The following PPARGC1A variants were observed in gnomAD, a reference collection of about 807,000 sequenced individuals.
PPARGC1A encodes the protein PPARG coactivator 1 alpha.
PPARGC1A carries 25 observed loss-of-function variants against 88.7 expected under a neutral mutation model. The ratio of observed to expected loss-of-function variants is 0.28; its 90% confidence interval spans 0.21 to 0.39. PPARGC1A has a LOEUF of 0.39. Among genes scored for constraint, PPARGC1A ranks in the 10% least tolerant of loss-of-function variants. PPARGC1A has a pLI of 1.00. For synonymous variants in PPARGC1A, 363 were observed against 355.6 expected (o/e 1.02, Z -0.24); for missense variants, 880 against 968.7 (o/e 0.91, Z 1.22).
chr4:24,392,781 C>A, the PPARGC1A span, among the ~76,000 whole-genome samples: 2 of 152,176 alleles, frequency 1.3e-5, no homozygotes, highest in Non-Finnish European at 1.5e-5. Context: ...ATTCTGCACA[C>A]TTTCCCGTTG....
chr4:24,437,415 G>T, the PPARGC1A span, among the ~76,000 whole-genome samples: 1 of 148,534 alleles, frequency 6.7e-6, no homozygotes, highest in Non-Finnish European at 1.5e-5. Flanking sequence ...CTGAGGGAAC[G>T]GGGGGTCCTA....
At chr4:24,404,408 CT>C in the PPARGC1A span, among the ~76,000 whole-genome samples, 2 of 151,974 alleles carry the variant, frequency 1.3e-5, no homozygotes, top group East Asian at 3.9e-4. Flanking sequence ...CGTACAGTGG[CT>C]AATAAAGTAA....
At chr4:24,036,411 A>G in the PPARGC1A span, among the ~76,000 whole-genome samples, 1 of 152,200 alleles carries the variant, frequency 6.6e-6, no homozygotes, top group South Asian at 2.1e-4. Context: ...AGAGAACTGA[A>G]TATGTACATC....
At chr4:23,900,248 A>C (rs1461756945), upstream of PPARGC1A, among the ~76,000 whole-genome samples, 3 of 152,132 alleles carry the variant, frequency 2.0e-5, no homozygotes, top group African/African-American at 7.2e-5. Context: ...GAATATTACA[A>C]CTCTAAAATT....
chr4:24,238,890 C>T, the PPARGC1A span, among the ~76,000 whole-genome samples: 4 of 151,384 alleles, frequency 2.6e-5, no homozygotes, highest in African/African-American at 9.7e-5. Context: ...ATCTGATTAC[C>T]GATTCCCTAT....
intron 7 of PPARGC1A, among the ~76,000 whole-genome samples, chr4:23,818,766 T>TTTAA (rs1722431182): frequency 6.6e-6 from 1 of 151,894 alleles, no homozygotes; most frequent in African/African-American, 2.4e-5. Context: ...GGTTTGTTTG[T>TTTAA]TTAATTGAAT....
chr4:23,960,342 TCTA>T, the PPARGC1A span, among the ~76,000 whole-genome samples: 1 of 152,038 alleles, frequency 6.6e-6, no homozygotes, highest in African/African-American at 2.4e-5. Flanking sequence ...TGCTGAACAT[TCTA>T]CATCACACAG....
chr4:24,463,659 T>C, the PPARGC1A span, among the ~76,000 whole-genome samples: 1 of 152,230 alleles, frequency 6.6e-6, no homozygotes, highest in Non-Finnish European at 1.5e-5. Context: ...GATGAGGATC[T>C]AGAATTGAAG....
the PPARGC1A span, among the ~76,000 whole-genome samples, chr4:24,262,713 C>T: frequency 2.0e-5 from 3 of 151,794 alleles, no homozygotes; most frequent in African/African-American, 7.3e-5. Flanking sequence ...CTTTACTTCT[C>T]AAGTTAAGCA....
At chr4:24,432,303 A>G in the PPARGC1A span, among the ~76,000 whole-genome samples, 2 of 152,152 alleles carry the variant, frequency 1.3e-5, no homozygotes, top group South Asian at 2.1e-4. Flanking sequence ...GCCATGGGTG[A>G]TAAGGATCTT....
the PPARGC1A span, among the ~76,000 whole-genome samples, chr4:24,248,750 A>G: frequency 6.6e-6 from 1 of 152,172 alleles, no homozygotes; most frequent in African/African-American, 2.4e-5. Context: ...TGATATTGAA[A>G]TGCAGCTTAG....
chr4:24,294,001 G>A, the PPARGC1A span, among the ~76,000 whole-genome samples: 1 of 152,220 alleles, frequency 6.6e-6, no homozygotes, highest in African/African-American at 2.4e-5. Context: ...ATCAAGTTTG[G>A]CAGAAAATCT....
At chr4:24,011,452 A>G in the PPARGC1A span, among the ~76,000 whole-genome samples, 1 of 152,338 alleles carries the variant, frequency 6.6e-6, no homozygotes, top group South Asian at 2.1e-4. Context: ...TTTCACTCCT[A>G]TACTCAGAGA....
At chr4:24,256,570 A>T in the PPARGC1A span, among the ~76,000 whole-genome samples, 1 of 152,124 alleles carries the variant, frequency 6.6e-6, no homozygotes, top group Non-Finnish European at 1.5e-5. Context: ...TTTAGTACAA[A>T]TTTTTTTCAC....
At chr4:24,126,515 T>G in the PPARGC1A span, among the ~76,000 whole-genome samples, 9 of 152,134 alleles carry the variant, frequency 5.9e-5, no homozygotes, top group Non-Finnish European at 2.9e-5. Context: ...TAGGTGCTTT[T>G]CTTAGTCCCT....
At chr4:23,835,837 A>G (rs1725917108) in intron 2 of PPARGC1A, among the ~76,000 whole-genome samples, 1 of 152,156 alleles carries the variant, frequency 6.6e-6, no homozygotes, top group Admixed American at 6.5e-5. Flanking sequence ...TTAGTTTAGC[A>G]TGAGTTTCAA....
the PPARGC1A span, among the ~76,000 whole-genome samples, chr4:24,051,014 C>T: frequency 3.3e-5 from 5 of 151,628 alleles, no homozygotes; most frequent in African/African-American, 1.2e-4. Context: ...GGTGAAACCC[C>T]GTCTCTACTA....
the PPARGC1A span, among the ~76,000 whole-genome samples, chr4:23,935,333 T>C: frequency 5.3e-5 from 8 of 152,332 alleles, no homozygotes; most frequent in Middle Eastern, 3.4e-3. Context: ...TTGGTGAAAT[T>C]AAAGTGAGAC....
the PPARGC1A span, among the ~76,000 whole-genome samples, chr4:24,285,383 T>A: frequency 1.3e-5 from 2 of 152,018 alleles, no homozygotes; most frequent in Admixed American, 1.3e-4. Flanking sequence ...AGCACATGGA[T>A]GTCCTCAGAA....
Sources: allele counts gnomAD v4.1 joint callset (sites outside exome capture counted in the v4.1 genomes callset), GRCh38; gene constraint gnomAD v4.1.1; transcripts MANE v1.5; gene names NCBI Gene and HGNC (gene_info 2026-07-23, HGNC 2026-07-21).